SLC45A4: variants seen among roughly 807,000 people sequenced by gnomAD.
SLC45A4 encodes polyamine-transporter SLC45A4.
Under a neutral mutation model 63.7 loss-of-function variants are expected in SLC45A4, and 32 were observed. The observed-to-expected ratio is 0.50, with a 90% CI of 0.38 to 0.67. SLC45A4 has a LOEUF of 0.67. Among genes scored for constraint, SLC45A4 ranks in the 30% least tolerant of loss-of-function variants. The pLI is 0.00. For synonymous variants in SLC45A4, 535 were observed against 510.0 expected (o/e 1.05, Z -0.66); for missense variants, 1,027 against 1,157.7 (o/e 0.89, Z 1.64).
intron 2 of SLC45A4, among the ~76,000 whole-genome samples, chr8:141,234,231 G>A (rs1196380474): frequency 6.6e-6 from 1 of 152,210 alleles, no homozygotes; most frequent in Non-Finnish European, 1.5e-5. Flanking sequence ...AGCCTGGTTT[G>A]AAGGAAAAGT....
rs933747884 is a variant in SLC45A4 at position 141,277,605 on chromosome 8, C to T, written c.-400-22976G>A. Among the ~76,000 whole-genome samples the T allele has an allele frequency of 2.6e-5, 4 of 151,498 alleles. No individual in the cohort carries two copies. In the South Asian group the frequency reaches 6.2e-4, roughly 24 times the overall value. On this transcript the variant is annotated intron_variant, in intron 1 of 8. Coordinates refer to ENST00000517878, the MANE Select transcript of SLC45A4 (RefSeq NM_001286646.2). ...GTTCACTAAAAAGTCCACCCTTTTA[C>T]TCTTAAAAAAAAAAATCTTCAAATT... is the stretch of plus-strand genomic sequence containing the variant.
At chr8:141,230,601 G>A (rs951915557) in intron 2 of SLC45A4, among the ~76,000 whole-genome samples, 20 of 152,222 alleles carry the variant, frequency 1.3e-4, no homozygotes, top group Non-Finnish European at 2.8e-4. Context: ...CAGGAGCAGC[G>A]CCCAGGCCAG....
rs141399161 is a variant in SLC45A4, at chr8:141,212,434, G to A, written c.2064C>T (p.Ala688=). ...TGGGGATGACGCGGACAGTCCCCAC[G>A]GCGTCGACCACGCCCCCAAGGGCAG... ...VASALGGVVD[A]VGTVRVIPMV... The change falls in exon 8 of 9, where the codon GCC becomes GCT. Residue 688 remains alanine, a synonymous_variant. Transcript: ENST00000517878. 2.3e-5 allele frequency: 37 copies of A among 1,613,680 alleles called. No individual in the cohort carries two copies. The highest frequency in any genetic ancestry group is 8.3e-5 in the Admixed American group (5 of 60,010).
At chr8:141,233,179 C>T (rs1006598333) in intron 2 of SLC45A4, among the ~76,000 whole-genome samples, 1 of 152,208 alleles carries the variant, frequency 6.6e-6, no homozygotes, top group African/African-American at 2.4e-5. Flanking sequence ...TTTAAGCTGG[C>T]TCTCAGGAGC....
rs374476426 is a variant in SLC45A4, at chr8:141,215,994, A to G, written c.1730-24T>C. On this transcript the variant is annotated intron_variant, in intron 6 of 8. Transcript: ENST00000517878. This position sits in a 1 kb window ranked among gnomAD's most constrained non-coding sequence, Gnocchi z 4.3. ...GGCTGCAGAGAGGGGCACAGGGACAAGGACAGTGGGCAGGCGGCTGGCTCC... is the reference window on the plus strand; with the variant it reads ...GGCTGCAGAGAGGGGCACAGGGACAGGGACAGTGGGCAGGCGGCTGGCTCC... 6.1e-5 allele frequency: 98 copies of G among 1,605,414 alleles called. No homozygotes were observed. The African/African-American group carries it at 1.2e-3, about 19-fold the overall frequency.
rs779480595 is a variant in SLC45A4, at chr8:141,212,351, T to C, written c.2147A>G (p.Tyr716Cys). 1.4e-5 allele frequency: 23 copies of C among 1,613,522 alleles called. No individual in the cohort carries two copies. The highest frequency in any genetic ancestry group is 1.9e-5 in the Non-Finnish European group (23 of 1,180,000). ...GFLTATFLVI[Y>C]PNVSEEAKEE... The stretch of plus-strand genomic sequence containing the variant: ...CTTGGCCTCCTCTGACACGTTGGGA[T>C]AGATCACCAGGAATGTGGCCGTCAG... The change falls in exon 8 of 9, where the codon TAT becomes TGT. Residue 716 changes from tyrosine (Y) to cysteine (C), a missense_variant. Transcript: ENST00000517878.
intron 2 of SLC45A4, among the ~76,000 whole-genome samples, chr8:141,235,118 T>G (rs1371159926): frequency 6.6e-6 from 1 of 152,182 alleles, no homozygotes. Context: ...GAGCCATGGC[T>G]TGGCTTGTTA....
intron 1 of SLC45A4, among the ~76,000 whole-genome samples, chr8:141,266,204 C>T (rs956610160): frequency 3.9e-5 from 6 of 152,198 alleles, no homozygotes; most frequent in African/African-American, 1.4e-4. Flanking sequence ...CGCACGGTGA[C>T]CACAAACGTG....
intron 2 of SLC45A4, among the ~76,000 whole-genome samples, chr8:141,231,899 C>T (rs1827375615): frequency 6.6e-6 from 1 of 152,266 alleles, no homozygotes; most frequent in Admixed American, 6.5e-5. Flanking sequence ...TCAGGAGACC[C>T]CACTTCAGTT....
At chr8:141,228,266 T>C (rs773178665) in intron 2 of SLC45A4, 5 of 1,613,554 alleles carry the variant, frequency 3.1e-6, no homozygotes, top group South Asian at 2.2e-5. Context: ...GCTTTCCCCA[T>C]AGATGATGCT....
intron 2 of SLC45A4, among the ~76,000 whole-genome samples, chr8:141,246,185 T>G (rs1344389705): frequency 6.6e-6 from 1 of 152,192 alleles, no homozygotes; most frequent in Non-Finnish European, 1.5e-5. Context: ...AAAATTCCAA[T>G]GTACCCAAAG....
chr8:141,216,291 T>C (rs981866286), intron 6 of SLC45A4, among the ~76,000 whole-genome samples: 1 of 152,202 alleles, frequency 6.6e-6, no homozygotes. Flanking sequence ...TCAGTGGCCT[T>C]CTCTGGCCGT....
intron 2 of SLC45A4, among the ~76,000 whole-genome samples, chr8:141,239,151 C>T (rs749613719): frequency 1.3e-5 from 2 of 152,188 alleles, no homozygotes; most frequent in African/African-American, 2.4e-5. Flanking sequence ...TACCAGGTTA[C>T]CCACGTGACT....
rs544270076 is a variant in SLC45A4, at chr8:141,278,136, C to A, written c.-400-23507G>T. The A allele has an allele frequency of 6.6e-6, 1 of 152,584 alleles. No individual in the cohort carries two copies. Among genetic ancestry groups the A allele is most frequent in the African/African-American group, 2.4e-5 (1 of 41,490 alleles). 9.5% of individuals were successfully genotyped at this position (152,584 alleles called of 1,614,324 possible). On this transcript the variant is annotated intron_variant, in intron 1 of 8. Transcript: ENST00000517878. The surrounding 1 kb of genome is among the most constrained non-coding windows in gnomAD (Gnocchi z 4.1). ...CATCTGCGAATAGTTCCAGGACACA[C>A]CCTTACACTTTTGCACCTGCCTCAG...
At chr8:141,286,439 G>C (rs1830148800) in intron 1 of SLC45A4, among the ~76,000 whole-genome samples, 1 of 152,152 alleles carries the variant, frequency 6.6e-6, no homozygotes, top group African/African-American at 2.4e-5. Flanking sequence ...GTATCTTCCT[G>C]GTCCCTTTCG....
intron 2 of SLC45A4, 48 bp from the exon 3 acceptor site, chr8:141,221,813 C>G: frequency 6.3e-7 from 1 of 1,586,820 alleles, no homozygotes; most frequent in Non-Finnish European, 8.6e-7. Context: ...TGGCCGGGCT[C>G]TGCCACAGTT....
At chr8:141,300,493 G>A (rs950827074) in intron 1 of SLC45A4, among the ~76,000 whole-genome samples, 6 of 152,328 alleles carry the variant, frequency 3.9e-5, no homozygotes, top group South Asian at 2.1e-4. Flanking sequence ...TCAACGCCCC[G>A]GACCAGCCTC....
intron 1 of SLC45A4, among the ~76,000 whole-genome samples, chr8:141,294,622 C>T (rs914389082): frequency 3.3e-5 from 5 of 152,228 alleles, no homozygotes; most frequent in Admixed American, 1.3e-4. Flanking sequence ...GTGGCAGGAA[C>T]GGCTGTGAGC....
At chr8:141,290,766 C>T (rs1201904701) in intron 1 of SLC45A4, among the ~76,000 whole-genome samples, 1 of 152,202 alleles carries the variant, frequency 6.6e-6, no homozygotes, top group Non-Finnish European at 1.5e-5. Flanking sequence ...GTGGTCTTAC[C>T]CTACGGTCCA....
Sources: gnomAD v4.1 joint callset for allele counts (sites outside exome capture counted in the v4.1 genomes callset) on GRCh38, gnomAD v4.1.1 for gene constraint, Gnocchi (gnomAD v3.1) non-coding constraint, MANE v1.5 for transcripts, NCBI Gene and HGNC (gene_info 2026-07-23, HGNC 2026-07-21) for gene names.